CCDC13: variants seen among roughly 807,000 people sequenced by gnomAD.
CCDC13 encodes coiled-coil domain containing 13.
CCDC13 carries 70 observed loss-of-function variants against 87.3 expected under a neutral mutation model. The observed-to-expected ratio is 0.80, with a 90% CI of 0.66 to 0.98. The LOEUF (loss-of-function observed/expected upper bound fraction) is 0.98. Ranked by LOEUF, CCDC13 falls within the 50% of genes least tolerant of loss-of-function variation. The pLI, the probability that CCDC13 is intolerant of heterozygous loss-of-function variation, is 0.00. For missense variants in CCDC13, 842 were observed against 892.0 expected (o/e 0.94, Z 0.71); for synonymous variants, 317 against 360.3 (o/e 0.88, Z 1.36).
intron 5 of CCDC13, among the ~76,000 whole-genome samples, chr3:42,749,206 AC>A (rs548543366): frequency 3.8e-4 from 57 of 149,440 alleles, no homozygotes; most frequent in African/African-American, 1.3e-3. Flanking sequence ...ACACCCCTCC[AC>A]CCCCTGCCAC....
At chr3:42,752,349 G>A (rs921884198) in intron 4 of CCDC13, among the ~76,000 whole-genome samples, 2 of 152,184 alleles carry the variant, frequency 1.3e-5, no homozygotes, top group Non-Finnish European at 2.9e-5. Context: ...AAGAATGATG[G>A]ATTTCAGGTT....
At chr3:42,771,483 G>A (rs2125918434) in intron 1 of CCDC13, among the ~76,000 whole-genome samples, 1 of 152,318 alleles carries the variant, frequency 6.6e-6, no homozygotes, top group East Asian at 1.9e-4. Flanking sequence ...GGCCAGGTGT[G>A]ATGACTCACA....
chr3:42,760,555 T>G (rs1362935088), intron 1 of CCDC13, among the ~76,000 whole-genome samples: 1 of 151,626 alleles, frequency 6.6e-6, no homozygotes, highest in African/African-American at 2.4e-5. Context: ...AGGCAGAGGT[T>G]GCAGTGAGTC....
At chr3:42,718,540 G>C (rs1469138671) in intron 13 of CCDC13, among the ~76,000 whole-genome samples, 1 of 152,012 alleles carries the variant, frequency 6.6e-6, no homozygotes, top group Non-Finnish European at 1.5e-5. Context: ...TTTCTTGCAT[G>C]AGATCCAAGA....
In CCDC13 at chr3:42,733,572, C is replaced by A. The variant is rs201282842; in HGVS notation, c.1409G>T (p.Gly470Val). 211 of 1,612,664 alleles carry A rather than the reference C, an allele frequency of 1.3e-4. No individual in the cohort carries two copies. Among genetic ancestry groups the A allele is most frequent in the Non-Finnish European group, 1.7e-4 (199 of 1,179,372 alleles). ...RNKGVGEGSS[G>V]REVSPAYTQF... is the part of the protein sequence containing the mutation. ...GGTATAGGCAGGGCTGACCTCGCGG[C>A]CACTGGACCCCTCACCCACTCCTTT... is the stretch of plus-strand genomic sequence containing the variant. Residue 470 changes from glycine to valine, a missense_variant, in exon 11 of 16, where the codon GGC (glycine) becomes GTC (valine). By Grantham distance (109) the Gly-to-Val change is moderately radical. Coordinates refer to ENST00000310232, the MANE Select transcript of CCDC13 (RefSeq NM_144719.4).
rs1432747398 is a variant in CCDC13 at position 42,705,866 on chromosome 3, G to A, written c.*3114C>T. Among the ~76,000 whole-genome samples the A allele has an allele frequency of 6.6e-6, 1 of 152,084 alleles. No individual in the cohort carries two copies. Among genetic ancestry groups the A allele is most frequent in the East Asian group, 1.9e-4 (1 of 5,188 alleles). On this transcript the variant is annotated 3_prime_UTR_variant, in exon 16 of 16. Coordinates refer to ENST00000310232, the MANE Select transcript of CCDC13 (RefSeq NM_144719.4). ...CTTCCCTTGAAAATCCTTCTCCCAGGCTCTCCCCACCTTCCCTTTACTCCT... is the reference window on the plus strand; with the variant it reads ...CTTCCCTTGAAAATCCTTCTCCCAGACTCTCCCCACCTTCCCTTTACTCCT...
At chr3:42,762,111 C>T (rs1397400990) in intron 1 of CCDC13, among the ~76,000 whole-genome samples, 1 of 152,174 alleles carries the variant, frequency 6.6e-6, no homozygotes, top group Non-Finnish European at 1.5e-5. Flanking sequence ...TTAAATTAGT[C>T]TGGAGTGGAG....
rs749410782 is a variant in CCDC13, at chr3:42,730,563, C to G, written c.1622G>C (p.Gly541Ala). ...PRFSDSPEQK[G>A]WQAQVSEIKA... ...GATCTCTGACACTTGTGCCTGCCAG[C>G]CTTTTTGTTCTGGGGAGTCCGAGAA... The change falls in exon 13 of 16, where the codon GGC (glycine) becomes GCC (alanine). Residue 541 changes from glycine (G) to alanine (A), a missense_variant. Gly to Ala is a moderately conservative substitution (Grantham distance 60, BLOSUM62 0). Transcript: ENST00000310232. 49 of 1,614,018 alleles carry G rather than the reference C, an allele frequency of 3.0e-5. No homozygotes were observed. The South Asian group carries it at 5.2e-4, about 17-fold the overall frequency.
chr3:42,743,618 T>C (rs1310682724), intron 7 of CCDC13, among the ~76,000 whole-genome samples: 1 of 138,390 alleles, frequency 7.2e-6, no homozygotes, highest in Non-Finnish European at 1.6e-5. Context: ...CACATATATA[T>C]ATACACATAT....
chr3:42,770,747 G>A lies in CCDC13; in HGVS notation c.-7+2429C>T, dbSNP rs559823802. ...GAAGGTCTGCAGCTTCACTCCTGAAGCCAGCAAGACCACGAACCCACCAGG... is the reference window on the plus strand; with the variant it reads ...GAAGGTCTGCAGCTTCACTCCTGAAACCAGCAAGACCACGAACCCACCAGG... On this transcript the variant is annotated intron_variant, in intron 1 of 15. Transcript: ENST00000310232. 5.9e-5 allele frequency: 9 copies of A among 153,012 alleles called. No individual in the cohort carries two copies. In the East Asian group the frequency reaches 9.6e-4, roughly 16 times the overall value. The allele number at this position is 153,012 out of a possible 1,614,324, so 9.5% of individuals were successfully genotyped here.
At chr3:42,754,196 AC>A (rs1191965157) in intron 3 of CCDC13, among the ~76,000 whole-genome samples, 1 of 152,200 alleles carries the variant, frequency 6.6e-6, no homozygotes, top group Non-Finnish European at 1.5e-5. Context: ...TGGAAAGCAA[AC>A]AGGCACTTTA....
At chr3:42,718,435 G>A (rs1473242104) in intron 13 of CCDC13, among the ~76,000 whole-genome samples, 1 of 152,190 alleles carries the variant, frequency 6.6e-6, no homozygotes, top group South Asian at 2.1e-4. Context: ...CAGCAGCCCT[G>A]GGGACTGCTG....
intron 15 of CCDC13, 89 bp from the exon 16 acceptor site, chr3:42,709,228 C>CA: frequency 7.4e-7 from 1 of 1,355,924 alleles, no homozygotes; most frequent in East Asian, 2.5e-5. Flanking sequence ...TGGTTGCCAG[C>CA]ATGGCTGCTC....
intron 13 of CCDC13, among the ~76,000 whole-genome samples, chr3:42,717,377 G>A (rs1183012542): frequency 6.9e-6 from 1 of 144,770 alleles, no homozygotes; most frequent in Non-Finnish European, 1.5e-5. Context: ...AGTGAGCCGA[G>A]ATCATGCCAT....
intron 1 of CCDC13, among the ~76,000 whole-genome samples, chr3:42,763,244 TG>T (rs1384651526): frequency 6.6e-6 from 1 of 152,236 alleles, no homozygotes; most frequent in Admixed American, 6.5e-5. Flanking sequence ...AAGAGTAGAT[TG>T]CAGTCTGTTT....
At chr3:42,725,746 T>C (rs186676382) in intron 13 of CCDC13, among the ~76,000 whole-genome samples, 4 of 151,880 alleles carry the variant, frequency 2.6e-5, no homozygotes, top group Non-Finnish European at 5.9e-5. Context: ...ACTGAAACCC[T>C]AAAAGCTTCA....
chr3:42,710,607 C>T (rs1165363414), intron 14 of CCDC13, among the ~76,000 whole-genome samples: 2 of 152,176 alleles, frequency 1.3e-5, no homozygotes, highest in Non-Finnish European at 2.9e-5. Flanking sequence ...CAAGTGGGGG[C>T]AGATTGCTTG....
At chr3:42,744,581 G>A (rs895215482) in intron 7 of CCDC13, among the ~76,000 whole-genome samples, 27 of 152,008 alleles carry the variant, frequency 1.8e-4, no homozygotes, top group African/African-American at 5.3e-4. Flanking sequence ...CGAGGTGGGC[G>A]GATCACGAGG....
intron 10 of CCDC13, among the ~76,000 whole-genome samples, chr3:42,735,427 G>T (rs768425264): frequency 6.6e-5 from 10 of 152,224 alleles, no homozygotes; most frequent in Admixed American, 1.3e-4. Context: ...TAAGGCCACA[G>T]CTGGGGATGG....
Sources: allele counts gnomAD v4.1 joint callset (sites outside exome capture counted in the v4.1 genomes callset), GRCh38; gene constraint gnomAD v4.1.1; transcripts MANE v1.5; gene names NCBI Gene and HGNC (gene_info 2026-07-23, HGNC 2026-07-21).